The following STARD9 variants were observed in gnomAD, a reference collection of about 807,000 sequenced individuals.
STARD9 encodes the protein StAR related lipid transfer domain containing 9.
In STARD9, 346 loss-of-function variants were observed where a neutral mutation model predicts 399.8. The ratio of observed to expected loss-of-function variants is 0.87; its 90% CI spans 0.79 to 0.95. STARD9 has a LOEUF of 0.95. STARD9 is among the 40% of genes least tolerant of loss of function. The pLI is 0.00. For missense variants in STARD9, 5,832 were observed against 5,667.5 expected, an observed-to-expected ratio of 1.03 and a Z score of -0.93; for synonymous variants, 2,203 against 2,143.5, an observed-to-expected ratio of 1.03 and a Z score of -0.77.
At chr15:42,718,627 G>A (rs2061395319) in intron 31 of STARD9, 113 bp downstream of exon 31, 3 of 1,429,976 alleles carry the variant, frequency 2.1e-6, no homozygotes, top group Admixed American at 4.0e-5. Context: ...ATTGGGGCTG[G>A]AGCCAGGGTA....
In STARD9 at chr15:42,688,521, C is replaced by T; in HGVS notation, c.6943C>T (p.Pro2315Ser). ...DTFFRQETVS[P>S]LLSRTEFCTA... ...GTTTTTCAGGCAGGAAACTGTCAGC[C>T]CATTACTAAGCCGGACAGAATTCTG... The change falls in exon 23 of 33, where the codon CCA becomes TCA. Residue 2315 changes from proline (P) to serine (S), a missense_variant. Pro to Ser is a moderately conservative substitution (Grantham distance 74). This residue lies in a region of STARD9 where 5,828 missense variants were observed against 5,651.1 expected (regional missense o/e 1.03). Transcript: ENST00000290607. 1.3e-6 allele frequency: 2 copies of T among 1,537,840 alleles called. No individual in the cohort carries two copies. The highest frequency in any genetic ancestry group is 1.7e-6 in the Non-Finnish European group (2 of 1,147,036).
At chr15:42,577,315 G>A (rs1264148428) in intron 1 of STARD9, among the ~76,000 whole-genome samples, 1 of 152,012 alleles carries the variant, frequency 6.6e-6, no homozygotes, top group African/African-American at 2.4e-5. Context: ...CACCATGCCC[G>A]GCTAATTTTT....
At chr15:42,714,706 G>A (rs2061319873) in intron 26 of STARD9, among the ~76,000 whole-genome samples, 1 of 152,076 alleles carries the variant, frequency 6.6e-6, no homozygotes. Flanking sequence ...AGCCTCCCAG[G>A]CAACTGTACT....
chr15:42,691,803 A>T lies in STARD9; in HGVS notation c.10225A>T (p.Met3409Leu). 2.6e-6 allele frequency: 4 copies of T among 1,537,122 alleles called. No individual in the cohort carries two copies. The highest frequency in any genetic ancestry group is 3.5e-6 in the Non-Finnish European group (4 of 1,146,882). ...GAAGCCTGCCACCCCTCCTTATCCAATGCCTTCCACTCTCTCACACATGCC... is the reference window on the plus strand; with the variant it reads ...GAAGCCTGCCACCCCTCCTTATCCATTGCCTTCCACTCTCTCACACATGCC... Reference protein sequence around the residue: ...HLKPATPPYPMPSTLSHMPTP... With the variant: ...HLKPATPPYPLPSTLSHMPTP... The change falls in exon 23 of 33, where the codon ATG becomes TTG. Residue 3409 changes from methionine (M) to leucine (L), a missense_variant. Physicochemically the swap from Met to Leu is conservative, Grantham distance 15. Around this residue, in one of 2 missense-constraint regions of STARD9, gnomAD observed 5,828 missense variants for 5,651.1 expected, o/e 1.03. Transcript: ENST00000290607.
At chr15:42,650,354 G>A (rs1184503401) in intron 7 of STARD9, among the ~76,000 whole-genome samples, 4 of 152,160 alleles carry the variant, frequency 2.6e-5, no homozygotes, top group African/African-American at 9.7e-5. Flanking sequence ...TGGAACAGTT[G>A]GGAAGGCCTT....
At chr15:42,663,724 G>A (rs1339989892) in intron 12 of STARD9, 96 bp from the exon 13 acceptor site, 2 of 979,380 alleles carry the variant, frequency 2.0e-6, no homozygotes, top group African/African-American at 3.2e-5. Flanking sequence ...ATTTCATCAG[G>A]GGTCTTATAC....
Position 42,682,151 on chromosome 15 carries a change from C to T in STARD9, c.2113C>T (p.Gln705Ter), listed in dbSNP as rs1289754082. The T allele has an allele frequency of 3.3e-6, 5 of 1,537,170 alleles. No individual in the cohort carries two copies. The South Asian group carries it at 4.8e-5, about 15-fold the overall frequency. The change falls in exon 22 of 33, where the codon CAG (glutamine) becomes TAG (stop). Residue 705 changes from glutamine (Q) to a stop codon, truncating the protein, a stop_gained. Transcript: ENST00000290607. LOFTEE classifies it high-confidence loss of function. The stretch of plus-strand genomic sequence containing the variant: ...AGAGACCTGGCTGGCCAGCTTGCAA[C>T]AGCAGCAGCAAGAAGACCAGGTAGC... ...REETWLASLQ[Q>*]QQQEDQVAEK...
intron 20 of STARD9, among the ~76,000 whole-genome samples, chr15:42,680,168 A>G (rs1054511003): frequency 1.4e-4 from 22 of 152,224 alleles, no homozygotes; most frequent in African/African-American, 5.1e-4. Flanking sequence ...TACCCTGCAG[A>G]AAAAGCATTT....
chr15:42,669,299 G>A lies in STARD9; in HGVS notation c.1459G>A (p.Asp487Asn), dbSNP rs1330095747. ...GCCACACTTGATGGCCTTGGAGGAT[G>A]ATGTGCTCAGCACAGGTGTTGTGCT... ...SLPHLMALED[D>N]VLSTGVVLYH... The change falls in exon 16 of 33, where the codon GAT (aspartate) becomes AAT (asparagine). Residue 487 changes from aspartate (D) to asparagine (N), a missense_variant. This residue lies in a region of STARD9 where 5,828 missense variants were observed against 5,651.1 expected (regional missense o/e 1.03). Coordinates refer to ENST00000290607, the MANE Select transcript of STARD9 (RefSeq NM_020759.3). The A allele has an allele frequency of 1.3e-6, 2 of 1,536,564 alleles. No individual in the cohort carries two copies. Among genetic ancestry groups the A allele is most frequent in the Admixed American group, 3.9e-5 (2 of 50,998 alleles).
Position 42,693,534 on chromosome 15 carries a change from C to T in STARD9, c.11956C>T (p.Gln3986Ter). ...TGAGTTGCACTCCCCACACAGCCCA[C>T]AGCAGAGTCCAAAACTCCAATTTAG... ...FLELHSPHSP[Q>*]QSPKLQFSFL... Residue 3986 changes from glutamine (Q) to a stop codon, truncating the protein, a stop_gained, in exon 23 of 33, where the codon CAG becomes TAG. Coordinates refer to ENST00000290607, the MANE Select transcript of STARD9 (RefSeq NM_020759.3). LOFTEE classifies it high-confidence loss of function. The T allele has an allele frequency of 6.5e-7, 1 of 1,537,292 alleles. No individual in the cohort carries two copies.
intron 1 of STARD9, among the ~76,000 whole-genome samples, chr15:42,578,895 A>G (rs2058111826): frequency 6.6e-6 from 1 of 152,194 alleles, no homozygotes; most frequent in African/African-American, 2.4e-5. Flanking sequence ...TCTTTCTAAA[A>G]TGTGTTCACA....
intron 1 of STARD9, among the ~76,000 whole-genome samples, chr15:42,578,657 T>A (rs1345936775): frequency 6.6e-6 from 1 of 151,502 alleles, no homozygotes; most frequent in Non-Finnish European, 1.5e-5. Flanking sequence ...TTTCCAAGAA[T>A]ATGTAAAATG....
chr15:42,596,646 G>A (rs2058511539), intron 3 of STARD9, among the ~76,000 whole-genome samples: 1 of 152,226 alleles, frequency 6.6e-6, no homozygotes, highest in Non-Finnish European at 1.5e-5. Flanking sequence ...CTCTGTTTGG[G>A]GGAGCCAGTG....
chr15:42,674,038 A>G, intron 16 of STARD9: 1 of 456,244 alleles, frequency 2.2e-6, no homozygotes, highest in South Asian at 1.6e-5. Flanking sequence ...AACTTGGACC[A>G]CATCAACCTT....
At chr15:42,641,609 C>CTT (rs71431856) in intron 7 of STARD9, among the ~76,000 whole-genome samples, 2 of 140,628 alleles carry the variant, frequency 1.4e-5, no homozygotes, top group Admixed American at 7.2e-5. Context: ...TTTTTCTTTT[C>CTT]TTTTTTTTTT....
intron 3 of STARD9, among the ~76,000 whole-genome samples, chr15:42,589,952 CTTTTTTTTT>C (rs961377203): frequency 2.2e-5 from 2 of 91,954 alleles, no homozygotes; most frequent in African/African-American, 8.5e-5. Context: ...AACCTTGATT[CTTTTTTTTT>C]TTTTTTTTTT....
intron 3 of STARD9, among the ~76,000 whole-genome samples, chr15:42,591,972 G>A: frequency 6.6e-6 from 1 of 152,236 alleles, no homozygotes. Flanking sequence ...CCAGTAAGTG[G>A]TGGAGCAAGA....
chr15:42,610,325 C>T (rs2058822660), intron 3 of STARD9, among the ~76,000 whole-genome samples: 3 of 152,028 alleles, frequency 2.0e-5, no homozygotes, highest in Non-Finnish European at 2.9e-5. Flanking sequence ...AATGTCTGAG[C>T]CTTTGATTGC....
chr15:42,699,240 C>G (rs1010136579), intron 26 of STARD9, among the ~76,000 whole-genome samples: 6 of 151,956 alleles, frequency 3.9e-5, no homozygotes, highest in African/African-American at 1.2e-4. Context: ...TATAGTCACC[C>G]TATTGTGTAA....
Sources: gnomAD v4.1 joint callset for allele counts (sites outside exome capture counted in the v4.1 genomes callset) on GRCh38, gnomAD v4.1.1 for gene constraint, gnomAD v4.1.1 regional missense constraint, MANE v1.5 for transcripts, NCBI Gene and HGNC (gene_info 2026-07-23, HGNC 2026-07-21) for gene names.